UNC13C: variants seen among roughly 807,000 people sequenced by gnomAD.
UNC13C encodes the protein protein unc-13 homolog C.
Under a neutral mutation model 245.4 loss-of-function variants are expected in UNC13C, and 174 were observed. That is an observed-to-expected ratio of 0.71 (90% CI 0.63 to 0.80). The LOEUF (loss-of-function observed/expected upper bound fraction) is 0.80, where lower values mean the gene tolerates loss of function less well. UNC13C is among the 30% of genes least tolerant of loss of function. UNC13C has a pLI of 0.00. For synonymous variants in UNC13C, 992 were observed against 895.1 expected (o/e 1.11, Z -1.93); for missense variants, 2,829 against 2,602.9 (o/e 1.09, Z -1.89).
chr15:54,392,633 A>G (rs550732788), intron 17 of UNC13C, among the ~76,000 whole-genome samples: 48 of 152,076 alleles, frequency 3.2e-4, no homozygotes, highest in African/African-American at 1.2e-3. Flanking sequence ...TTTTATGCAT[A>G]CACACACGCA....
At chr15:54,091,633 G>A (rs144638255) in intron 2 of UNC13C, among the ~76,000 whole-genome samples, 9 of 152,180 alleles carry the variant, frequency 5.9e-5, no homozygotes, top group African/African-American at 2.2e-4. Context: ...TTCTTTGAAT[G>A]GGAATATTTT....
chr15:53,889,607 G>C, the UNC13C span, among the ~76,000 whole-genome samples: 2 of 152,316 alleles, frequency 1.3e-5, no homozygotes, highest in South Asian at 4.1e-4. Context: ...GGAGTGGTGA[G>C]AGAGGGCATC....
At chr15:54,399,031 T>G (rs2040127055) in intron 18 of UNC13C, among the ~76,000 whole-genome samples, 1 of 151,650 alleles carries the variant, frequency 6.6e-6, no homozygotes, top group Non-Finnish European at 1.5e-5. Context: ...AGTGAGAAGA[T>G]ATGAAAGCCT....
intron 2 of UNC13C, among the ~76,000 whole-genome samples, chr15:54,055,963 T>C (rs1459474623): frequency 6.6e-6 from 1 of 152,148 alleles, no homozygotes; most frequent in Admixed American, 6.6e-5. Context: ...CTGGATACCT[T>C]CCATTAGCTT....
At chr15:53,842,947 G>C in the UNC13C span, among the ~76,000 whole-genome samples, 6 of 149,126 alleles carry the variant, frequency 4.0e-5, no homozygotes, top group Admixed American at 4.0e-4. Context: ...ATAATAAAAA[G>C]TTCTTTGCAA....
At chr15:54,589,539 C>T (rs994922200) in intron 30 of UNC13C, among the ~76,000 whole-genome samples, 5 of 152,132 alleles carry the variant, frequency 3.3e-5, no homozygotes, top group African/African-American at 1.2e-4. Flanking sequence ...CCTAGCAATC[C>T]ACCTGCCTCA....
intron 14 of UNC13C, among the ~76,000 whole-genome samples, chr15:54,331,687 T>C (rs2038441005): frequency 6.6e-6 from 1 of 152,178 alleles, no homozygotes; most frequent in Admixed American, 6.6e-5. Context: ...GCATTTTCTC[T>C]TGCTGACGCA....
chr15:54,509,423 C>G (rs1424061118), intron 23 of UNC13C, among the ~76,000 whole-genome samples: 1 of 152,034 alleles, frequency 6.6e-6, no homozygotes, highest in Non-Finnish European at 1.5e-5. Flanking sequence ...TTTAAATAAT[C>G]TTTAAAATAT....
At chr15:54,062,308 A>G (rs1226007275) in intron 2 of UNC13C, among the ~76,000 whole-genome samples, 2 of 146,278 alleles carry the variant, frequency 1.4e-5, no homozygotes, top group Non-Finnish European at 3.0e-5. Flanking sequence ...GGATAACAAG[A>G]GTGAAACTCA....
chr15:53,840,412 A>G, the UNC13C span, among the ~76,000 whole-genome samples: 11 of 152,114 alleles, frequency 7.2e-5, no homozygotes, highest in African/African-American at 2.7e-4. Flanking sequence ...ATTCTCTAGA[A>G]AGCCATTAAG....
At chr15:54,356,393 T>A (rs983894761) in intron 17 of UNC13C, among the ~76,000 whole-genome samples, 2 of 152,146 alleles carry the variant, frequency 1.3e-5, no homozygotes, top group Non-Finnish European at 2.9e-5. Flanking sequence ...CCATATACTG[T>A]TCTACCAAAG....
rs1245593609 is a variant in UNC13C, at chr15:54,624,043, A to C, written c.6359+89A>C. 27 of 1,492,224 alleles carry C rather than the reference A, an allele frequency of 1.8e-5. No homozygotes were observed. The East Asian group carries it at 5.9e-4, about 33-fold the overall frequency. The allele number at this position is 1,492,224 out of a possible 1,614,324, so 92.4% of individuals were successfully genotyped here. On this transcript the variant is annotated intron_variant, in intron 32 of 32. Coordinates refer to ENST00000260323, the MANE Select transcript of UNC13C (RefSeq NM_001080534.3). ...GAGGGATTTGGAGTGTGAAGGGCTAAGGAAAATGAAGAAGGCTCTGTTTTT... is the reference window on the plus strand; with the variant it reads ...GAGGGATTTGGAGTGTGAAGGGCTACGGAAAATGAAGAAGGCTCTGTTTTT...
At chr15:54,253,911 A>G (rs2036216142) in intron 8 of UNC13C, among the ~76,000 whole-genome samples, 1 of 152,248 alleles carries the variant, frequency 6.6e-6, no homozygotes, top group Non-Finnish European at 1.5e-5. Flanking sequence ...AAGGAATCCC[A>G]GAGTCTTACT....
chr15:54,338,435 A>T lies in UNC13C; in HGVS notation c.4659A>T (p.Thr1553=). ...KDCVRACLDS[T]YKYIFDNCHE... ...GTGTAAGGGCTTGCCTGGATTCTAC[A>T]TACAAGTATATTTTTGACAACTGCC... The change falls in exon 17 of 33, where the codon ACA becomes ACT. Residue 1553 remains threonine, a synonymous_variant. Coordinates refer to ENST00000260323, the MANE Select transcript of UNC13C (RefSeq NM_001080534.3). 2 of 1,613,904 alleles carry T rather than the reference A, an allele frequency of 1.2e-6. No individual in the cohort carries two copies. Among genetic ancestry groups the T allele is most frequent in the South Asian group, 2.2e-5 (2 of 91,076 alleles).
At chr15:53,881,557 A>C in the UNC13C span, among the ~76,000 whole-genome samples, 1 of 152,230 alleles carries the variant, frequency 6.6e-6, no homozygotes, top group African/African-American at 2.4e-5. Flanking sequence ...GAGGGTGTCA[A>C]CTTCTAATTC....
chr15:53,954,606 G>A, the UNC13C span, among the ~76,000 whole-genome samples: 4 of 152,150 alleles, frequency 2.6e-5, no homozygotes, highest in African/African-American at 9.7e-5. Context: ...ACTTGCTATT[G>A]AGTGAGCTGC....
At position 54,045,582 on chromosome 15, in the gene UNC13C, T is replaced by C. The variant is rs552770289; in HGVS notation, c.2983+29696T>C. 9.3e-4 allele frequency among the ~76,000 whole-genome samples: 142 copies of C among 152,314 alleles called. 2 individuals are homozygous for C. Among genetic ancestry groups the C allele is most frequent in the South Asian group, 3.7e-3 (18 of 4,830 alleles). ...GTCGCAGTACTTTTTCCTGCCACTC[T>C]AGATGAACTGATTCTGTGGTGAGTC... On this transcript the variant is annotated intron_variant, in intron 2 of 32. Transcript: ENST00000260323.
At chr15:53,998,237 T>C (rs1202538951) in intron 1 of UNC13C, among the ~76,000 whole-genome samples, 1 of 152,200 alleles carries the variant, frequency 6.6e-6, no homozygotes, top group Non-Finnish European at 1.5e-5. Flanking sequence ...AATCTATAGA[T>C]CACTTTGGGG....
intron 1 of UNC13C, among the ~76,000 whole-genome samples, chr15:53,991,781 C>T (rs1433434106): frequency 6.6e-6 from 1 of 152,012 alleles, no homozygotes; most frequent in Non-Finnish European, 1.5e-5. Flanking sequence ...ACACTACTAC[C>T]TAACCTCAAT....
Sources: gnomAD v4.1 joint callset for allele counts (sites outside exome capture counted in the v4.1 genomes callset) on GRCh38, gnomAD v4.1.1 for gene constraint, MANE v1.5 for transcripts, NCBI Gene and HGNC (gene_info 2026-07-23, HGNC 2026-07-21) for gene names.